VPS39: variants seen among roughly 807,000 people sequenced by gnomAD.
The protein encoded by VPS39 is vam6/Vps39-like protein.
VPS39 carries 70 observed loss-of-function variants against 121.0 expected under a neutral mutation model. The observed-to-expected ratio is 0.58, with a 90% confidence interval of 0.48 to 0.71. The LOEUF is 0.71. Among genes scored for constraint, VPS39 ranks in the 30% least tolerant of loss-of-function variants. The pLI is 0.00. For missense variants in VPS39, 818 were observed against 1,051.5 expected (o/e 0.78, Z 3.07); for synonymous variants, 378 against 398.1 (o/e 0.95, Z 0.60).
At chr15:42,196,915 G>C (rs531468726) in intron 2 of VPS39, among the ~76,000 whole-genome samples, 9 of 152,054 alleles carry the variant, frequency 5.9e-5, no homozygotes, top group African/African-American at 1.9e-4. Flanking sequence ...CAAAGACTTG[G>C]AACCAACCCA....
At chr15:42,169,098 T>G (rs933607146) in intron 12 of VPS39, among the ~76,000 whole-genome samples, 1 of 152,130 alleles carries the variant, frequency 6.6e-6, no homozygotes, top group African/African-American at 2.4e-5. Flanking sequence ...AATACCTCCC[T>G]AAAAAACATG....
chr15:42,164,270 G>C, intron 19 of VPS39, 88 bp downstream of exon 19: 1 of 1,553,300 alleles, frequency 6.4e-7, no homozygotes, highest in Non-Finnish European at 8.7e-7. Context: ...CCCAACTTTT[G>C]TGGAGAGTTG....
At position 42,164,462 on chromosome 15, in the gene VPS39, T is replaced by A. The variant is rs1235081694; in HGVS notation, c.1922A>T (p.Glu641Val). The A allele has an allele frequency of 6.2e-7, 1 of 1,613,810 alleles. No individual in the cohort carries two copies. The highest frequency in any genetic ancestry group is 8.5e-7 in the Non-Finnish European group (1 of 1,179,916). ...GTATTCTCCCAGCTCACCCTCTTCC[T>A]CTCCAGCTGGGACTGGGGTTTTGCC... ...PAGKTPVPAG[E>V]EEGELGEYRQ... is the part of the protein sequence containing the mutation. The change falls in exon 19 of 25, where the codon GAG becomes GTG. Residue 641 changes from glutamate (E) to valine (V), a missense_variant. Glu to Val is a moderately radical substitution (Grantham distance 121). Coordinates refer to ENST00000318006, the MANE Select transcript of VPS39 (RefSeq NM_015289.5).
intron 11 of VPS39, among the ~76,000 whole-genome samples, chr15:42,172,041 A>T (rs2049356861): frequency 6.6e-6 from 1 of 152,216 alleles, no homozygotes; most frequent in South Asian, 2.1e-4. Flanking sequence ...GTAGCGTGGT[A>T]CACACCAACA....
chr15:42,194,159 A>C (rs1481605236), intron 2 of VPS39, among the ~76,000 whole-genome samples: 4 of 152,198 alleles, frequency 2.6e-5, no homozygotes, highest in African/African-American at 4.8e-5. Flanking sequence ...TAGCTTTAAA[A>C]AAAAACAAAA....
chr15:42,199,057 A>G (rs746121456), intron 2 of VPS39, among the ~76,000 whole-genome samples: 4 of 152,158 alleles, frequency 2.6e-5, no homozygotes, highest in Non-Finnish European at 5.9e-5. Flanking sequence ...AGCTCTATTT[A>G]TCTTAAGCTA....
intron 21 of VPS39, 103 bp from the exon 22 acceptor site, chr15:42,162,584 G>A: frequency 1.5e-6 from 2 of 1,333,228 alleles, no homozygotes; most frequent in Non-Finnish European, 2.0e-6. Context: ...TACAGTAACA[G>A]CTATCACTGA....
Position 42,161,765 on chromosome 15 carries a change from T to G in VPS39, c.2469A>C (p.Glu823Asp), listed in dbSNP as rs16972779. The change falls in exon 24 of 25, where the codon GAA becomes GAC. Residue 823 changes from glutamate to aspartate, a missense_variant. By Grantham distance (45) the Glu-to-Asp change is conservative (BLOSUM62 2). Transcript: ENST00000318006. ...TCACCTGCTGGTGTAAAATCCGCTC[T>G]TCCTGGACCTGGAAGAACAGGGGGA... ...LLHAEFLRVQ[E>D]ERILHQQVKC... 1.2e-6 allele frequency: 2 copies of G among 1,614,128 alleles called. No individual in the cohort carries two copies. Among genetic ancestry groups the G allele is most frequent in the Non-Finnish European group, 1.7e-6 (2 of 1,180,030 alleles).
intron 1 of VPS39, among the ~76,000 whole-genome samples, chr15:42,203,400 G>C (rs369999985): frequency 6.6e-6 from 1 of 152,034 alleles, no homozygotes; most frequent in Admixed American, 6.6e-5. Context: ...CATGAACCCC[G>C]GAGGGAGAGG....
chr15:42,164,662 T>C, intron 18 of VPS39, 176 bp from the exon 19 acceptor site: 11 of 1,436,486 alleles, frequency 7.7e-6, no homozygotes, highest in Non-Finnish European at 1.0e-5. Context: ...CCCCAAAACA[T>C]CAGCTTACGG....
intron 4 of VPS39, among the ~76,000 whole-genome samples, chr15:42,190,427 A>C (rs1595673865): frequency 6.6e-6 from 1 of 152,296 alleles, no homozygotes; most frequent in East Asian, 1.9e-4. Context: ...GCAAAGTGTG[A>C]GATCAGCTGC....
At chr15:42,163,578 G>C in intron 20 of VPS39, 48 bp downstream of exon 20, 1 of 1,567,006 alleles carries the variant, frequency 6.4e-7, no homozygotes, top group Non-Finnish European at 8.8e-7. Flanking sequence ...CTCTCTGCAG[G>C]GCCTGCTTTT....
At chr15:42,167,300 A>G in intron 13 of VPS39, 94 bp downstream of exon 13, 1 of 1,467,282 alleles carries the variant, frequency 6.8e-7, no homozygotes, top group Non-Finnish European at 9.2e-7. Context: ...ACTCTTACTA[A>G]TGGCAGGTCC....
intron 4 of VPS39, among the ~76,000 whole-genome samples, chr15:42,190,490 T>C (rs1006916848): frequency 1.3e-5 from 2 of 152,156 alleles, no homozygotes; most frequent in Admixed American, 1.3e-4. Context: ...TATGAAACCA[T>C]GGTTTTTCAC....
intron 2 of VPS39, among the ~76,000 whole-genome samples, chr15:42,193,481 C>G (rs149629291): frequency 3.0e-4 from 45 of 152,274 alleles, no homozygotes; most frequent in African/African-American, 1.0e-3. Flanking sequence ...AAATCTCACA[C>G]CTGTCAATGA....
rs775918182 is a variant in VPS39, at chr15:42,178,278, C to A, written c.900G>T (p.Met300Ile). The A allele has an allele frequency of 5.6e-6, 9 of 1,613,954 alleles. No homozygotes were observed. Among genetic ancestry groups the A allele is most frequent in the African/African-American group, 4.0e-5 (3 of 74,858 alleles). The change falls in exon 10 of 25, where the codon ATG (methionine) becomes ATT (isoleucine). Residue 300 changes from methionine (M) to isoleucine (I), a missense_variant. Transcript: ENST00000318006. The stretch of plus-strand genomic sequence containing the variant: ...GGAGAAGTTGTTGGATTTGGGTTGC[C>A]ATGGGGACAGGGATGAGTCTCCAAA... ...HFVWRLIPVP[M>I]ATQIQQLLQD...
chr15:42,163,125 A>G (rs1176876948), intron 21 of VPS39, among the ~76,000 whole-genome samples: 1 of 152,190 alleles, frequency 6.6e-6, no homozygotes, highest in East Asian at 1.9e-4. Context: ...GAGTAAAGAG[A>G]CAGGAGTGCT....
intron 2 of VPS39, 140 bp from the exon 3 acceptor site, chr15:42,191,700 T>C (rs540996946): frequency 1.4e-6 from 1 of 729,856 alleles, no homozygotes; most frequent in East Asian, 2.7e-5. Flanking sequence ...GAGATCTAAA[T>C]AGCCAGCTCT....
At chr15:42,178,118 T>C (rs767079857) in intron 10 of VPS39, 100 bp downstream of exon 10, 5 of 1,533,238 alleles carry the variant, frequency 3.3e-6, no homozygotes, top group Non-Finnish European at 3.5e-6. Flanking sequence ...TTCAGCTATG[T>C]GCTTATTCTA....
Sources: gnomAD v4.1 joint callset for allele counts (sites outside exome capture counted in the v4.1 genomes callset) on GRCh38, gnomAD v4.1.1 for gene constraint, MANE v1.5 for transcripts, NCBI Gene and HGNC (gene_info 2026-07-23, HGNC 2026-07-21) for gene names.